FRAS1: variants seen among roughly 807,000 people sequenced by gnomAD.
FRAS1 encodes the protein Fraser extracellular matrix complex subunit 1.
In FRAS1, 290 loss-of-function variants were observed where a neutral mutation model predicts 435.2. The ratio of observed to expected loss-of-function variants is 0.67; its 90% CI spans 0.61 to 0.73. The LOEUF is 0.73. FRAS1 is among the 30% of genes least tolerant of loss of function. The pLI is 0.00. For missense variants in FRAS1, 4,860 were observed against 5,001.5 expected (o/e 0.97, Z 0.85); for synonymous variants, 1,800 against 1,851.0 (o/e 0.97, Z 0.71).
chr4:78,482,252 GATC>G, intron 57 of FRAS1, 133 bp from the exon 58 acceptor site: 1 of 981,388 alleles, frequency 1.0e-6, no homozygotes, highest in South Asian at 1.5e-5. Flanking sequence ...GTAATAAAGA[GATC>G]ATCATGTTAT....
intron 65 of FRAS1, 46 bp from the exon 66 acceptor site, chr4:78,515,753 C>T: frequency 1.3e-6 from 2 of 1,573,598 alleles, no homozygotes; most frequent in Non-Finnish European, 1.7e-6. Flanking sequence ...TGCTCCTTGG[C>T]ATCCACAAAC....
rs923794263 is a variant in FRAS1, at chr4:78,432,467, G to C, written c.5080G>C (p.Val1694Leu). The C allele has an allele frequency of 4.3e-6, 7 of 1,613,304 alleles. No homozygotes were observed. Among genetic ancestry groups the C allele is most frequent in the Non-Finnish European group, 5.9e-6 (7 of 1,179,660 alleles). ...GATCTCAGTCACAGATGGCCTCACAGTGACAATGCTGGAGGTGAGAGTAGA... is the reference window on the plus strand; with the variant it reads ...GATCTCAGTCACAGATGGCCTCACACTGACAATGCTGGAGGTGAGAGTAGA... ...MEISVTDGLT[V>L]TMLEVRVEVS... Residue 1694 changes from valine (V) to leucine (L), a missense_variant, in exon 38 of 74, where the codon GTG (valine) becomes CTG (leucine). Coordinates refer to ENST00000512123, the MANE Select transcript of FRAS1 (RefSeq NM_025074.7).
At chr4:78,079,407 C>T (rs760213375) in intron 2 of FRAS1, among the ~76,000 whole-genome samples, 1 of 152,028 alleles carries the variant, frequency 6.6e-6, no homozygotes, top group African/African-American at 2.4e-5. Flanking sequence ...AGACAAGGTT[C>T]TTTCTCAAAG....
At chr4:78,333,946 C>T (rs1730051628) in intron 19 of FRAS1, among the ~76,000 whole-genome samples, 1 of 151,886 alleles carries the variant, frequency 6.6e-6, no homozygotes, top group Non-Finnish European at 1.5e-5. Flanking sequence ...TGAAACCATA[C>T]ATATGTGCCA....
chr4:78,247,268 G>T (rs891904192), intron 4 of FRAS1, among the ~76,000 whole-genome samples: 9 of 152,196 alleles, frequency 5.9e-5, no homozygotes, highest in African/African-American at 2.2e-4. Flanking sequence ...TCTAAACTGG[G>T]TAAGAATATA....
At chr4:78,291,300 G>C (rs1727886505) in intron 14 of FRAS1, among the ~76,000 whole-genome samples, 1 of 152,148 alleles carries the variant, frequency 6.6e-6, no homozygotes, top group South Asian at 2.1e-4. Flanking sequence ...GGGTGGCTTC[G>C]GGATGAAACT....
chr4:78,080,047 T>A (rs1740825842), intron 2 of FRAS1, among the ~76,000 whole-genome samples: 1 of 152,072 alleles, frequency 6.6e-6, no homozygotes, highest in Non-Finnish European at 1.5e-5. Context: ...GTTTCCTATC[T>A]CTTAACTCCC....
At chr4:78,293,633 C>A (rs1196133597) in intron 14 of FRAS1, among the ~76,000 whole-genome samples, 4 of 152,090 alleles carry the variant, frequency 2.6e-5, no homozygotes, top group Non-Finnish European at 5.9e-5. Flanking sequence ...GTATTTCAGG[C>A]CATTCAGAAG....
chr4:78,065,183 T>C (rs1739969836), intron 1 of FRAS1, among the ~76,000 whole-genome samples: 3 of 147,196 alleles, frequency 2.0e-5, no homozygotes, highest in Middle Eastern at 3.6e-3. Flanking sequence ...TATATATATG[T>C]GTATATATGT....
rs901052868 is a variant in FRAS1 at position 78,540,691 on chromosome 4, T to G, written c.11606T>G (p.Ile3869Ser). Residue 3869 changes from isoleucine to serine, a missense_variant, in exon 74 of 74, where the codon ATC (isoleucine) becomes AGC (serine). Transcript: ENST00000512123. ...CAGCTGATCCTTGATGATTCCCTCA[T>G]CTATGACAATGAAGGAGACCAAGTC... ...DGQLILDDSL[I>S]YDNEGDQVKN... The G allele has an allele frequency of 2.5e-6, 4 of 1,613,672 alleles. No homozygotes were observed. The highest frequency in any genetic ancestry group is 3.4e-6 in the Non-Finnish European group (4 of 1,179,808).
At chr4:78,464,410 A>G in intron 48 of FRAS1, 33 bp from the exon 49 acceptor site, 2 of 1,613,572 alleles carry the variant, frequency 1.2e-6, no homozygotes, top group African/African-American at 1.3e-5. Flanking sequence ...TGCTAGGGAC[A>G]GGTGTCCCAC....
At chr4:78,360,816 A>G (rs562501600) in intron 20 of FRAS1, among the ~76,000 whole-genome samples, 2 of 152,362 alleles carry the variant, frequency 1.3e-5, no homozygotes, top group East Asian at 3.9e-4. Context: ...TCCCAAGATC[A>G]GATAAATCCA....
intron 59 of FRAS1, among the ~76,000 whole-genome samples, chr4:78,489,505 G>C (rs981942502): frequency 6.6e-6 from 1 of 152,164 alleles, no homozygotes; most frequent in African/African-American, 2.4e-5. Flanking sequence ...GGGTCTCACT[G>C]TCTCAGGAGT....
intron 63 of FRAS1, among the ~76,000 whole-genome samples, 173 bp from the exon 64 acceptor site, chr4:78,511,101 C>T (rs1178039810): frequency 1.3e-5 from 2 of 152,138 alleles, no homozygotes; most frequent in Non-Finnish European, 2.9e-5. Flanking sequence ...TGATCTGTCT[C>T]AAGTGTCTGG....
chr4:78,519,403 C>G lies in FRAS1; in HGVS notation c.10462C>G (p.Pro3488Ala), dbSNP rs1721314577. The G allele has an allele frequency of 1.2e-6, 2 of 1,610,920 alleles. No individual in the cohort carries two copies. The highest frequency in any genetic ancestry group is 2.7e-5 in the African/African-American group (2 of 74,592). ...LYVSYIYVTA[P>A]RGWASLEHHT... ...TGTGTCCTACATCTATGTGACAGCCCCCAGGGGCTGGGCCTCCTTGGAGCA... is the reference window on the plus strand; with the variant it reads ...TGTGTCCTACATCTATGTGACAGCCGCCAGGGGCTGGGCCTCCTTGGAGCA... The change falls in exon 67 of 74, where the codon CCC becomes GCC. Residue 3488 changes from proline to alanine, a missense_variant. Pro to Ala is a conservative substitution (Grantham distance 27). Coordinates refer to ENST00000512123, the MANE Select transcript of FRAS1 (RefSeq NM_025074.7).
At chr4:78,318,774 C>T in intron 17 of FRAS1, 36 bp from the exon 18 acceptor site, 1 of 1,514,858 alleles carries the variant, frequency 6.6e-7, no homozygotes, top group Non-Finnish European at 8.9e-7. Flanking sequence ...ATATTTGATC[C>T]TTGGATTATT....
At chr4:78,259,610 C>T (rs1725976399) in intron 6 of FRAS1, among the ~76,000 whole-genome samples, 1 of 150,142 alleles carries the variant, frequency 6.7e-6, no homozygotes, top group South Asian at 2.1e-4. Flanking sequence ...GATATTAGCC[C>T]TTTGTCAGAT....
At chr4:78,404,955 A>G (rs1326121966) in intron 30 of FRAS1, among the ~76,000 whole-genome samples, 1 of 152,026 alleles carries the variant, frequency 6.6e-6, no homozygotes, top group East Asian at 1.9e-4. Context: ...ACTAACAGTG[A>G]CTCCCAGTTG....
chr4:78,426,962 T>A (rs1734019061), intron 35 of FRAS1, among the ~76,000 whole-genome samples: 2 of 152,312 alleles, frequency 1.3e-5, no homozygotes, highest in Admixed American at 6.5e-5. Flanking sequence ...CTCTTTAATT[T>A]TGTACCTTTT....
Sources: gnomAD v4.1 joint callset for allele counts (sites outside exome capture counted in the v4.1 genomes callset) on GRCh38, gnomAD v4.1.1 for gene constraint, MANE v1.5 for transcripts, NCBI Gene and HGNC (gene_info 2026-07-23, HGNC 2026-07-21) for gene names.